SLC20A2: variants seen among roughly 807,000 people sequenced by gnomAD.
SLC20A2 encodes the protein sodium-dependent phosphate transporter 2.
Under a neutral mutation model 61.0 loss-of-function variants are expected in SLC20A2, and 30 were observed. The observed-to-expected ratio is 0.49, with a 90% CI of 0.37 to 0.67. The LOEUF is 0.67. Ranked by LOEUF, SLC20A2 falls within the 30% of genes least tolerant of loss-of-function variation. The pLI is 0.00. For missense variants in SLC20A2, 626 were observed against 866.4 expected, an observed-to-expected ratio of 0.72 and a Z score of 3.48; for synonymous variants, 351 against 353.3, an observed-to-expected ratio of 0.99 and a Z score of 0.07.
chr8:42,512,471 C>T (rs956479264), intron 1 of SLC20A2, among the ~76,000 whole-genome samples: 9 of 151,924 alleles, frequency 5.9e-5, no homozygotes, highest in Non-Finnish European at 1.3e-4. Flanking sequence ...CTGCCTCAGC[C>T]TCTCGAGTAG....
intron 1 of SLC20A2, among the ~76,000 whole-genome samples, chr8:42,481,511 T>G (rs1422562320): frequency 2.0e-5 from 3 of 151,880 alleles, no homozygotes; most frequent in African/African-American, 7.3e-5. Context: ...GGGAGAGACA[T>G]GGGAAGGAGG....
At chr8:42,425,365 G>T (rs1429957051) in intron 10 of SLC20A2, among the ~76,000 whole-genome samples, 12 of 152,164 alleles carry the variant, frequency 7.9e-5, no homozygotes, top group Admixed American at 7.9e-4. Flanking sequence ...CCATCCCACA[G>T]CTCTCATAGT....
intron 2 of SLC20A2, among the ~76,000 whole-genome samples, chr8:42,469,765 CA>C (rs915206903): frequency 6.6e-6 from 1 of 151,634 alleles, no homozygotes. Flanking sequence ...CCATCTCTAC[CA>C]AAAATACAAA....
intron 10 of SLC20A2, 149 bp downstream of exon 10, chr8:42,428,609 G>C: frequency 1.7e-6 from 1 of 601,566 alleles, no homozygotes; most frequent in Non-Finnish European, 2.9e-6. Context: ...AACAGATGGA[G>C]GAATACAAGG....
At chr8:42,516,975 G>A (rs575253043) in intron 1 of SLC20A2, among the ~76,000 whole-genome samples, 5 of 152,174 alleles carry the variant, frequency 3.3e-5, no homozygotes, top group South Asian at 4.2e-4. Context: ...TTTTCATCTC[G>A]TGCACTTGAG....
chr8:42,450,066 G>T (rs1337960673), intron 5 of SLC20A2, among the ~76,000 whole-genome samples: 1 of 151,986 alleles, frequency 6.6e-6, no homozygotes, highest in African/African-American at 2.4e-5. Context: ...TTTTGCTCTA[G>T]ATCAATATAT....
chr8:42,537,742 C>T (rs999120718), intron 1 of SLC20A2: 3 of 152,148 alleles, frequency 2.0e-5, no homozygotes, highest in African/African-American at 2.4e-5. Context: ...TTATCAATGT[C>T]CTCTATATAG....
intron 3 of SLC20A2, 151 bp downstream of exon 3, chr8:42,465,626 G>C (rs1807095216): frequency 1.6e-6 from 1 of 628,864 alleles, no homozygotes; most frequent in East Asian, 3.5e-5. Flanking sequence ...GGGAGGTGGA[G>C]GTTGCAGTGA....
chr8:42,429,803 G>A (rs1193831662), intron 9 of SLC20A2, among the ~76,000 whole-genome samples: 2 of 152,096 alleles, frequency 1.3e-5, no homozygotes, highest in African/African-American at 2.4e-5. Flanking sequence ...TCTCTTCCCT[G>A]CCTGCTCTGC....
chr8:42,424,969 C>T (rs940456698), intron 10 of SLC20A2, among the ~76,000 whole-genome samples: 10 of 152,050 alleles, frequency 6.6e-5, no homozygotes, highest in African/African-American at 2.4e-4. Context: ...CTGCTTGAAC[C>T]CAGGAGGCGG....
intron 6 of SLC20A2, among the ~76,000 whole-genome samples, chr8:42,439,946 G>A (rs1586034525): frequency 1.3e-5 from 2 of 151,982 alleles, no homozygotes; most frequent in East Asian, 1.9e-4. Flanking sequence ...TTAGCCGGGT[G>A]TGGTGGCAGG....
chr8:42,538,853 T>C (rs1276126150), intron 1 of SLC20A2, among the ~76,000 whole-genome samples: 1 of 152,214 alleles, frequency 6.6e-6, no homozygotes, highest in African/African-American at 2.4e-5. Flanking sequence ...TTTCATGTAC[T>C]GTAATATACT....
At position 42,501,135 on chromosome 8, in the gene SLC20A2, G is replaced by A. The variant is rs1272203191; in HGVS notation, c.-369C>T. 1 of 152,152 alleles carries A rather than the reference G, an allele frequency of 6.6e-6. No homozygotes were observed. Among genetic ancestry groups the A allele is most frequent in the Non-Finnish European group, 1.5e-5 (1 of 68,042 alleles). 9.4% of individuals were successfully genotyped at this position (152,152 alleles called of 1,614,324 possible). On this transcript the variant is annotated 5_prime_UTR_variant, in exon 1 of 11. Coordinates refer to ENST00000520262, the MANE Select transcript of SLC20A2 (RefSeq NM_001257180.2). ...TAGATATCCTACCACATTAGGCCGAGAAGTCACATTTCAGCTTGCTAACTT... is the reference window on the plus strand; with the variant it reads ...TAGATATCCTACCACATTAGGCCGAAAAGTCACATTTCAGCTTGCTAACTT...
intron 1 of SLC20A2, among the ~76,000 whole-genome samples, chr8:42,484,073 C>CT (rs761398672): frequency 2.8e-4 from 43 of 152,356 alleles, no homozygotes; most frequent in Middle Eastern, 3.4e-3. Context: ...CCATGCTCAA[C>CT]TTACAGCCCC....
chr8:42,444,409 A>C (rs1805039126), intron 6 of SLC20A2, among the ~76,000 whole-genome samples: 1 of 152,200 alleles, frequency 6.6e-6, no homozygotes, highest in Admixed American at 6.5e-5. Context: ...ACTGCACTGC[A>C]CGGTTAACTT....
At chr8:42,532,919 C>T (rs750039747) in intron 1 of SLC20A2, among the ~76,000 whole-genome samples, 11 of 151,944 alleles carry the variant, frequency 7.2e-5, no homozygotes, top group East Asian at 1.9e-4. Context: ...CCACAGAGGA[C>T]GGAAAGACTA....
chr8:42,480,855 C>G (rs1172209424), intron 1 of SLC20A2, among the ~76,000 whole-genome samples: 4 of 152,064 alleles, frequency 2.6e-5, no homozygotes, highest in Non-Finnish European at 5.9e-5. Context: ...AGAGACAAGT[C>G]TCACTATGTT....
intron 10 of SLC20A2, among the ~76,000 whole-genome samples, chr8:42,423,807 A>G (rs1442458104): frequency 2.0e-5 from 3 of 152,122 alleles, no homozygotes; most frequent in African/African-American, 7.2e-5. Context: ...GTGAATGTAA[A>G]ATGTTATTTT....
At chr8:42,514,392 G>C (rs75379342) in intron 1 of SLC20A2, among the ~76,000 whole-genome samples, 3,735 of 152,172 alleles carry the variant, frequency 0.025, 146 homozygotes, top group African/African-American at 0.083. Context: ...CTGGAAACAG[G>C]CAAGAGATAA....
Sources: allele counts gnomAD v4.1 joint callset (sites outside exome capture counted in the v4.1 genomes callset), GRCh38; gene constraint gnomAD v4.1.1; transcripts MANE v1.5; gene names NCBI Gene and HGNC (gene_info 2026-07-23, HGNC 2026-07-21).